RBFOX2: variants seen among roughly 807,000 people sequenced by gnomAD.
The protein encoded by RBFOX2 is RNA binding fox-1 homolog 2.
RBFOX2 carries 10 observed loss-of-function variants against 49.1 expected under a neutral mutation model. The observed-to-expected ratio is 0.20, with a 90% CI of 0.13 to 0.35. The LOEUF (loss-of-function observed/expected upper bound fraction) is 0.35, where lower values mean the gene tolerates loss of function less well. RBFOX2 is among the 10% of genes least tolerant of loss of function. RBFOX2 has a pLI of 1.00. For synonymous variants in RBFOX2, 183 were observed against 187.4 expected (o/e 0.98, Z 0.19); for missense variants, 323 against 486.9 (o/e 0.66, Z 3.17).
intron 1 of RBFOX2, among the ~76,000 whole-genome samples, chr22:35,992,086 A>G (rs1043142382): frequency 1.4e-4 from 22 of 152,154 alleles, no homozygotes; most frequent in African/African-American, 5.3e-4. Flanking sequence ...AGCAAAGTCA[A>G]TAGGACTCTA....
chr22:36,002,102 C>G (rs2058450140), intron 1 of RBFOX2, among the ~76,000 whole-genome samples: 1 of 151,986 alleles, frequency 6.6e-6, no homozygotes, highest in African/African-American at 2.4e-5. Context: ...ACAACAACAA[C>G]AAACAAATTA....
chr22:35,857,688 T>C (rs2042666139), intron 1 of RBFOX2, among the ~76,000 whole-genome samples: 1 of 152,180 alleles, frequency 6.6e-6, no homozygotes, highest in Non-Finnish European at 1.5e-5. Context: ...CTGTAACATT[T>C]ATTATACATC....
Position 35,749,287 on chromosome 22 carries a change from G to C in RBFOX2, c.888-2726C>G, listed in dbSNP as rs550872786. Among the ~76,000 whole-genome samples the C allele has an allele frequency of 6.6e-6, 1 of 152,182 alleles. No individual in the cohort carries two copies. The highest frequency in any genetic ancestry group is 2.1e-4 in the South Asian group (1 of 4,820). On this transcript the variant is annotated intron_variant, in intron 9 of 11. Coordinates refer to ENST00000405409, the Ensembl canonical transcript of RBFOX2. The surrounding 1 kb of genome is among the most constrained non-coding windows in gnomAD (Gnocchi z 4.1). Reference sequence around the variant, plus strand: ...AAAGGCTCAAGAATATCAGCACTAAGAAAAAACACATGAAGAGTTTTTTTT... The same window carrying C: ...AAAGGCTCAAGAATATCAGCACTAACAAAAAACACATGAAGAGTTTTTTTT...
At chr22:35,797,186 T>G (rs562371159) in intron 2 of RBFOX2, among the ~76,000 whole-genome samples, 120 of 152,220 alleles carry the variant, frequency 7.9e-4, no homozygotes, top group Admixed American at 1.4e-3. Context: ...AATCAAAATA[T>G]CAGTCCTTAA....
chr22:35,856,033 C>T (rs1399249139), intron 1 of RBFOX2, among the ~76,000 whole-genome samples: 4 of 151,556 alleles, frequency 2.6e-5, no homozygotes, highest in African/African-American at 9.7e-5. Flanking sequence ...AAAGTTTCAA[C>T]ACTTAGCACA....
intron 1 of RBFOX2, among the ~76,000 whole-genome samples, chr22:35,982,670 T>C (rs1448032661): frequency 6.6e-6 from 1 of 152,126 alleles, no homozygotes; most frequent in East Asian, 1.9e-4. Context: ...GAAACCATGC[T>C]ACAGTCCCTA....
chr22:35,986,163 T>C (rs1305735608), intron 1 of RBFOX2, among the ~76,000 whole-genome samples: 2 of 152,076 alleles, frequency 1.3e-5, no homozygotes, highest in African/African-American at 2.4e-5. Flanking sequence ...GGCAATCAGG[T>C]ATGCTTAAAT....
At chr22:35,826,938 G>C (rs981896321) in intron 1 of RBFOX2, among the ~76,000 whole-genome samples, 1 of 152,122 alleles carries the variant, frequency 6.6e-6, no homozygotes, top group South Asian at 2.1e-4. Context: ...GTTGATCATG[G>C]GTAATTGAAA....
chr22:35,809,759 T>C (rs1951469372), intron 2 of RBFOX2, 21 bp downstream of exon 3: 1 of 1,608,568 alleles, frequency 6.2e-7, no homozygotes, highest in Non-Finnish European at 8.5e-7. Context: ...CCTTCCATTT[T>C]TCACCTCATG....
chr22:36,002,512 T>C (rs1374440365), intron 1 of RBFOX2, among the ~76,000 whole-genome samples: 1 of 152,248 alleles, frequency 6.6e-6, no homozygotes, highest in Non-Finnish European at 1.5e-5. Context: ...GAAGATTCCT[T>C]TGGTATACAA....
intron 2 of RBFOX2, among the ~76,000 whole-genome samples, chr22:35,788,006 C>T (rs1946772232): frequency 1.3e-5 from 2 of 152,216 alleles, no homozygotes; most frequent in South Asian, 4.1e-4. Flanking sequence ...TAGCCATCAA[C>T]ACTGCACAGG....
rs1274769853 is a variant in RBFOX2, at chr22:35,750,571, T to G, written c.888-4010A>C. The stretch of plus-strand genomic sequence containing the variant: ...TGGAACTCTGATAGCTGGATAAATT[T>G]GGCTTGGCTAAGCTTGATTCAGATA... On this transcript the variant is annotated intron_variant, in intron 9 of 11. Transcript: ENST00000405409. 8 of 694,730 alleles carry G rather than the reference T, an allele frequency of 1.2e-5. No homozygotes were observed. In the East Asian group the frequency reaches 1.9e-4, roughly 16 times the overall value. 43.0% of individuals were successfully genotyped at this position (694,730 alleles called of 1,614,324 possible).
At chr22:35,760,801 TAGAG>T (rs1374361905) in intron 8 of RBFOX2, among the ~76,000 whole-genome samples, 2 of 152,216 alleles carry the variant, frequency 1.3e-5, no homozygotes, top group Non-Finnish European at 2.9e-5. Flanking sequence ...CAAAATGACT[TAGAG>T]AGATCAAGAG....
chr22:36,008,699 T>G (rs1476013371), intron 1 of RBFOX2, among the ~76,000 whole-genome samples: 2 of 152,036 alleles, frequency 1.3e-5, no homozygotes, highest in East Asian at 3.9e-4. Flanking sequence ...ACAACTGCAA[T>G]CCCAGCTACT....
At position 35,839,618 on chromosome 22, in the gene RBFOX2, C is replaced by T. The variant is rs548998395; in HGVS notation, c.27+574G>A. Among the ~76,000 whole-genome samples, 74 of 152,346 alleles carry T rather than the reference C, an allele frequency of 4.9e-4. 1 individual carries two copies. The highest frequency in any genetic ancestry group is 3.5e-3 in the South Asian group (17 of 4,828). On this transcript the variant is annotated intron_variant, in intron 1 of 11. Transcript: ENST00000405409. ...CAAGGAGGGCTCTACCTGCCTCTGT[C>T]ACACCTGAATGCTCCTACTGAAAAT...
exon 12 of RBFOX2, chr22:35,740,258 TA>T (rs772916092): frequency 2.0e-5 from 3 of 152,382 alleles, no homozygotes; most frequent in Non-Finnish European, 2.9e-5. Context: ...GGCTGATCAG[TA>T]AAGCAAGTAT....
chr22:35,810,946 T>C (rs954823165), intron 1 of RBFOX2, among the ~76,000 whole-genome samples: 1 of 152,168 alleles, frequency 6.6e-6, no homozygotes, highest in Non-Finnish European at 1.5e-5. Context: ...AAATATATCA[T>C]CAATAAGGGG....
chr22:35,979,312 A>C (rs562727959), intron 1 of RBFOX2, among the ~76,000 whole-genome samples: 1 of 152,300 alleles, frequency 6.6e-6, no homozygotes, highest in East Asian at 1.9e-4. Context: ...AAGATACCGG[A>C]CCAAAAAGGA....
At chr22:35,938,607 C>G (rs577687363) in intron 1 of RBFOX2, among the ~76,000 whole-genome samples, 54 of 152,224 alleles carry the variant, frequency 3.5e-4, no homozygotes, top group African/African-American at 1.2e-3. Context: ...AATACAAAAC[C>G]AATCATGACT....
Sources: allele counts gnomAD v4.1 joint callset (sites outside exome capture counted in the v4.1 genomes callset), GRCh38; gene constraint gnomAD v4.1.1; non-coding constraint Gnocchi (gnomAD v3.1); transcripts MANE v1.5; gene names NCBI Gene and HGNC (gene_info 2026-07-23, HGNC 2026-07-21).